Variants in MBNL2 observed in about 807,000 individuals in gnomAD.
The protein encoded by MBNL2 is muscleblind like splicing regulator 2, also known as muscleblind-like protein 2.
MBNL2 carries 17 observed loss-of-function variants against 41.9 expected under a neutral mutation model. The ratio of observed to expected loss-of-function variants is 0.41; its 90% CI spans 0.28 to 0.61. The LOEUF (loss-of-function observed/expected upper bound fraction) is 0.61. MBNL2 is among the 20% of genes least tolerant of loss of function. The pLI is 0.35. For missense variants in MBNL2, 336 were observed against 505.6 expected, an observed-to-expected ratio of 0.66 and a Z score of 3.22; for synonymous variants, 195 against 182.9, an observed-to-expected ratio of 1.07 and a Z score of -0.53.
At chr13:97,325,721 C>T (rs1191404623) in intron 2 of MBNL2, among the ~76,000 whole-genome samples, 10 of 152,118 alleles carry the variant, frequency 6.6e-5, no homozygotes, top group Admixed American at 6.6e-4. Flanking sequence ...CAGAGTGAGA[C>T]CCTGTTTCAA....
chr13:97,347,530 TCG>T (rs2061999373), intron 5 of MBNL2, among the ~76,000 whole-genome samples: 2 of 152,224 alleles, frequency 1.3e-5, no homozygotes, highest in African/African-American at 4.8e-5. Flanking sequence ...ATTTGGCTTT[TCG>T]CTACTCCCAT....
intron 2 of MBNL2, among the ~76,000 whole-genome samples, chr13:97,278,468 T>C (rs941685065): frequency 6.6e-6 from 1 of 152,114 alleles, no homozygotes; most frequent in Non-Finnish European, 1.5e-5. Flanking sequence ...TTAATGTAAT[T>C]CGAGAAATAT....
intron 1 of MBNL2, among the ~76,000 whole-genome samples, chr13:97,242,948 C>T (rs1288237184): frequency 6.6e-6 from 1 of 152,184 alleles, no homozygotes; most frequent in Non-Finnish European, 1.5e-5. Context: ...GGGCTCCGCA[C>T]GCGGCAGTCC....
intron 7 of MBNL2, among the ~76,000 whole-genome samples, chr13:97,359,009 T>C (rs1423397997): frequency 6.6e-6 from 1 of 152,144 alleles, no homozygotes; most frequent in African/African-American, 2.4e-5. Flanking sequence ...TTTTTCTTAT[T>C]TTAGTTTTGA....
At chr13:97,147,376 A>G in the MBNL2 span, among the ~76,000 whole-genome samples, 6 of 152,198 alleles carry the variant, frequency 3.9e-5, no homozygotes. Flanking sequence ...CTCTGTTTCC[A>G]TAATCATTCC....
intron 2 of MBNL2, among the ~76,000 whole-genome samples, chr13:97,320,763 A>T (rs2059432613): frequency 6.6e-6 from 1 of 151,938 alleles, no homozygotes; most frequent in South Asian, 2.1e-4. Context: ...AAAATACAAA[A>T]AATTAGCCGG....
At chr13:97,263,403 C>T (rs1231042890) in intron 1 of MBNL2, among the ~76,000 whole-genome samples, 2 of 152,160 alleles carry the variant, frequency 1.3e-5, no homozygotes, top group East Asian at 1.9e-4. Context: ...TACACCTGGG[C>T]CTACTTAGTG....
chr13:97,352,571 A>T (rs2062600146), intron 5 of MBNL2, among the ~76,000 whole-genome samples: 1 of 152,204 alleles, frequency 6.6e-6, no homozygotes, highest in Non-Finnish European at 1.5e-5. Context: ...ATCAAACATC[A>T]CTGATCACAA....
chr13:97,193,808 A>G, the MBNL2 span, among the ~76,000 whole-genome samples: 1 of 152,122 alleles, frequency 6.6e-6, no homozygotes, highest in African/African-American at 2.4e-5. Context: ...CACACTGCTT[A>G]CTGCCCTTAA....
the MBNL2 span, among the ~76,000 whole-genome samples, chr13:97,156,743 C>T: frequency 1.5e-4 from 22 of 151,280 alleles, no homozygotes; most frequent in Admixed American, 1.5e-3. Context: ...CTGTTCTGTT[C>T]CATTGATCTA....
intron 2 of MBNL2, among the ~76,000 whole-genome samples, chr13:97,288,260 G>T (rs1566394032): frequency 6.6e-6 from 1 of 152,122 alleles, no homozygotes; most frequent in Non-Finnish European, 1.5e-5. Flanking sequence ...TACTTGGACT[G>T]AAATCCACAC....
chr13:97,248,244 C>T (rs2045866511), intron 1 of MBNL2, among the ~76,000 whole-genome samples: 1 of 152,220 alleles, frequency 6.6e-6, no homozygotes, highest in Admixed American at 6.5e-5. Flanking sequence ...GCCTCAGCCT[C>T]CCAAGTAGCT....
intron 1 of MBNL2, among the ~76,000 whole-genome samples, chr13:97,267,672 T>C (rs1316231723): frequency 2.0e-5 from 3 of 152,194 alleles, no homozygotes; most frequent in Non-Finnish European, 4.4e-5. Flanking sequence ...TAGAAGGCTA[T>C]GGGTCATTGT....
At chr13:97,281,477 C>A (rs1016118783) in intron 2 of MBNL2, among the ~76,000 whole-genome samples, 1 of 152,086 alleles carries the variant, frequency 6.6e-6, no homozygotes, top group South Asian at 2.1e-4. Context: ...TACTTTTTTT[C>A]TACCCTCCTT....
At chr13:97,242,738 G>A (rs1233153490) in intron 1 of MBNL2, among the ~76,000 whole-genome samples, 3 of 151,764 alleles carry the variant, frequency 2.0e-5, no homozygotes, top group African/African-American at 7.3e-5. Flanking sequence ...CATTAAAAGA[G>A]CTTGGAATAA....
At chr13:97,230,436 A>G (rs2042224683) in intron 1 of MBNL2, among the ~76,000 whole-genome samples, 1 of 152,230 alleles carries the variant, frequency 6.6e-6, no homozygotes, top group Admixed American at 6.5e-5. Flanking sequence ...TGTCTCATAA[A>G]CATTTGACAA....
chr13:97,347,954 T>C (rs1051135234), intron 5 of MBNL2, among the ~76,000 whole-genome samples: 83 of 152,146 alleles, frequency 5.5e-4, no homozygotes, highest in Non-Finnish European at 4.4e-5. Flanking sequence ...TGCCTAGACA[T>C]TGCTTATCAA....
chr13:97,324,440 G>C (rs539957477), intron 2 of MBNL2, among the ~76,000 whole-genome samples: 1 of 152,266 alleles, frequency 6.6e-6, no homozygotes, highest in South Asian at 2.1e-4. Context: ...CCAAGGCTCA[G>C]ATAAAAATGT....
chr13:97,364,635 G>A (rs1229750606), intron 7 of MBNL2, among the ~76,000 whole-genome samples: 3 of 152,136 alleles, frequency 2.0e-5, no homozygotes, highest in African/African-American at 4.8e-5. Flanking sequence ...ACAAGTAAAC[G>A]TTTAATGCAG....
Sources: gnomAD v4.1 joint callset for allele counts (sites outside exome capture counted in the v4.1 genomes callset) on GRCh38, gnomAD v4.1.1 for gene constraint, MANE v1.5 for transcripts, NCBI Gene and HGNC (gene_info 2026-07-23, HGNC 2026-07-21) for gene names.